The following KIAA1217 variants were observed in gnomAD, a reference collection of about 807,000 sequenced individuals.
KIAA1217 encodes KIAA1217.
KIAA1217 carries 88 observed loss-of-function variants against 163.9 expected under a neutral mutation model. The ratio of observed to expected loss-of-function variants is 0.54; its 90% CI spans 0.45 to 0.64. KIAA1217 has a LOEUF of 0.64. KIAA1217 is among the 30% of genes least tolerant of loss of function. The probability of loss-of-function intolerance (pLI) is 0.00; values close to 1 mark genes in which losing one functional copy is unlikely to be tolerated. For synonymous variants in KIAA1217, 903 were observed against 923.1 expected, an observed-to-expected ratio of 0.98 and a Z score of 0.39; for missense variants, 2,372 against 2,475.0, an observed-to-expected ratio of 0.96 and a Z score of 0.88.
chr10:24,435,220 AC>A (rs1450934848), intron 4 of KIAA1217, among the ~76,000 whole-genome samples: 2 of 152,254 alleles, frequency 1.3e-5, no homozygotes, highest in Non-Finnish European at 2.9e-5. Context: ...CTGTTTCACA[AC>A]CTTACAGCTT....
At chr10:23,713,213 G>A (rs1301074374) in intron 1 of KIAA1217, among the ~76,000 whole-genome samples, 3 of 152,072 alleles carry the variant, frequency 2.0e-5, no homozygotes, top group Admixed American at 6.6e-5. Flanking sequence ...ACTTTTTCAG[G>A]CCCATTCAGA....
intron 3 of KIAA1217, among the ~76,000 whole-genome samples, chr10:24,408,729 A>AT (rs36026913): frequency 0.69 from 105,561 of 152,010 alleles, 37,767 homozygotes; most frequent in African/African-American, 0.88. Context: ...CTTCTCCCTC[A>AT]TCAATCTTTA....
chr10:24,379,152 C>T (rs1295158933), intron 2 of KIAA1217, among the ~76,000 whole-genome samples: 1 of 152,048 alleles, frequency 6.6e-6, no homozygotes, highest in African/African-American at 2.4e-5. Context: ...GGAATGAGGA[C>T]ATCATACCTT....
chr10:23,779,548 T>A (rs1835163246), intron 1 of KIAA1217, among the ~76,000 whole-genome samples: 1 of 152,186 alleles, frequency 6.6e-6, no homozygotes, highest in African/African-American at 2.4e-5. Flanking sequence ...GACCACAAAT[T>A]CTACGATGAA....
intron 5 of KIAA1217, among the ~76,000 whole-genome samples, chr10:24,468,321 C>T (rs2063161949): frequency 6.6e-6 from 1 of 152,146 alleles, no homozygotes; most frequent in South Asian, 2.1e-4. Context: ...ACAAATGTTT[C>T]CCACTCTATA....
chr10:24,450,971 C>G (rs942254570), intron 5 of KIAA1217, among the ~76,000 whole-genome samples: 4 of 152,084 alleles, frequency 2.6e-5, no homozygotes, highest in Non-Finnish European at 5.9e-5. Flanking sequence ...CTATTTTTTA[C>G]TTTTCTGGAA....
chr10:23,760,572 TAAG>T (rs1834207368), intron 1 of KIAA1217, among the ~76,000 whole-genome samples: 2 of 152,174 alleles, frequency 1.3e-5, no homozygotes, highest in African/African-American at 4.8e-5. Context: ...TTGCCAATGC[TAAG>T]AAGAATAGGA....
chr10:24,111,430 C>T (rs982918383), intron 2 of KIAA1217, among the ~76,000 whole-genome samples: 1 of 151,978 alleles, frequency 6.6e-6, no homozygotes, highest in African/African-American at 2.4e-5. Flanking sequence ...GTCCTTAAGG[C>T]TATATTTTGT....
At position 24,158,376 on chromosome 10, in the gene KIAA1217, A is replaced by C. The variant is rs1435731214; in HGVS notation, c.-170-61250A>C. ...GGGTGACTGTGTTCGGGTTTTCTCA[A>C]GCCTCTGCTTCCTACATATTATTAC... On this transcript the variant is annotated intron_variant, in intron 2 of 18. Coordinates refer to the KIAA1217 transcript ENST00000376462. 7 of 640,352 alleles carry C rather than the reference A, an allele frequency of 1.1e-5. No homozygotes were observed. In the Admixed American group the frequency reaches 1.3e-4, roughly 12 times the overall value. 39.7% of individuals were successfully genotyped at this position (640,352 alleles called of 1,614,324 possible).
intron 6 of KIAA1217, among the ~76,000 whole-genome samples, chr10:24,479,469 C>T (rs2064397138): frequency 6.6e-6 from 1 of 151,690 alleles, no homozygotes; most frequent in African/African-American, 2.4e-5. Context: ...AAAAAGTGAG[C>T]CACATCAGCG....
At chr10:24,067,954 A>T (rs946969065) in intron 2 of KIAA1217, among the ~76,000 whole-genome samples, 3 of 146,572 alleles carry the variant, frequency 2.0e-5, no homozygotes, top group African/African-American at 5.5e-5. Flanking sequence ...TGTGCAGGAT[A>T]TAATCTCCTG....
intron 2 of KIAA1217, among the ~76,000 whole-genome samples, chr10:24,264,419 G>A (rs570971504): frequency 7.9e-5 from 12 of 152,124 alleles, no homozygotes; most frequent in East Asian, 7.7e-4. Context: ...AGACAAAGCA[G>A]ACAGACACAG....
At chr10:24,339,927 G>C (rs1357860969) in intron 2 of KIAA1217, among the ~76,000 whole-genome samples, 1 of 152,142 alleles carries the variant, frequency 6.6e-6, no homozygotes, top group Non-Finnish European at 1.5e-5. Context: ...TTCCTTGCTT[G>C]TCAGAATAAC....
chr10:24,490,448 A>G (rs866621363), intron 6 of KIAA1217, among the ~76,000 whole-genome samples: 28 of 152,210 alleles, frequency 1.8e-4, no homozygotes, highest in African/African-American at 6.0e-4. Context: ...CTAACATTTC[A>G]TCATGGGAGA....
intron 1 of KIAA1217, among the ~76,000 whole-genome samples, chr10:23,861,771 G>A (rs973888871): frequency 3.9e-5 from 6 of 152,082 alleles, no homozygotes; most frequent in South Asian, 2.1e-4. Context: ...ACTACATGAA[G>A]CAAATTTTTT....
intron 1 of KIAA1217, among the ~76,000 whole-genome samples, chr10:23,872,516 G>A (rs969469509): frequency 1.3e-5 from 2 of 152,058 alleles, no homozygotes; most frequent in Admixed American, 6.6e-5. Context: ...ACTGCAGAGA[G>A]CTTCATTTAC....
At chr10:23,811,369 G>C (rs1356904364) in intron 1 of KIAA1217, among the ~76,000 whole-genome samples, 4 of 149,620 alleles carry the variant, frequency 2.7e-5, no homozygotes, top group African/African-American at 9.8e-5. Flanking sequence ...CCAAATTTTG[G>C]GGGGCAAGAA....
chr10:24,088,210 G>A lies in KIAA1217; in HGVS notation c.-171+80836G>A, dbSNP rs916825679. On this transcript the variant is annotated intron_variant, in intron 2 of 18. Transcript: ENST00000376462. ...TGGATCTCCTCTGCCCAGGCTCAAG[G>A]AACATCCCAAACTTGTGTCCTCCCA... 3.5e-5 allele frequency among the ~76,000 whole-genome samples: 4 copies of A among 115,044 alleles called. 1 individual carries two copies. Among genetic ancestry groups the A allele is most frequent in the African/African-American group, 1.1e-4 (4 of 36,902 alleles). 75.5% of individuals were successfully genotyped at this position (115,044 alleles called of 152,430 possible).
intron 1 of KIAA1217, among the ~76,000 whole-genome samples, chr10:23,904,155 G>A (rs1393803596): frequency 6.6e-6 from 1 of 152,114 alleles, no homozygotes; most frequent in Admixed American, 6.5e-5. Context: ...CATGCCAGCT[G>A]TAAAGGCAAT....
Sources: gnomAD v4.1 joint callset for allele counts (sites outside exome capture counted in the v4.1 genomes callset) on GRCh38, gnomAD v4.1.1 for gene constraint, MANE v1.5 for transcripts, NCBI Gene and HGNC (gene_info 2026-07-23, HGNC 2026-07-21) for gene names.